NRXN3: variants seen among roughly 807,000 people sequenced by gnomAD.
The protein encoded by NRXN3 is neurexin III.
Under a neutral mutation model 137.6 loss-of-function variants are expected in NRXN3, and 32 were observed. The ratio of observed to expected loss-of-function variants is 0.23; its 90% CI spans 0.18 to 0.31. The LOEUF is 0.31. Among genes scored for constraint, NRXN3 ranks in the 10% least tolerant of loss-of-function variants. The pLI, the probability that NRXN3 is intolerant of heterozygous loss-of-function variation, is 1.00. For missense variants in NRXN3, 1,574 were observed against 2,062.5 expected (o/e 0.76, Z 4.59); for synonymous variants, 798 against 784.5 (o/e 1.02, Z -0.29).
chr14:79,087,201 G>A (rs1313081047), intron 15 of NRXN3, among the ~76,000 whole-genome samples: 6 of 152,120 alleles, frequency 3.9e-5, no homozygotes, highest in Admixed American at 3.9e-4. Flanking sequence ...TGGTTAGGAG[G>A]AGGGTACTAA....
chr14:79,487,128 C>T (rs1173167980), intron 16 of NRXN3, among the ~76,000 whole-genome samples: 3 of 152,132 alleles, frequency 2.0e-5, no homozygotes, highest in Non-Finnish European at 4.4e-5. Context: ...TCAGTTTCCT[C>T]ATCCGTTGAA....
chr14:78,678,861 A>C (rs998764336), intron 6 of NRXN3, among the ~76,000 whole-genome samples: 3 of 152,128 alleles, frequency 2.0e-5, no homozygotes, highest in Non-Finnish European at 4.4e-5. Flanking sequence ...TGCAGGTGTC[A>C]GCTTGGAGCT....
At chr14:79,090,541 C>T (rs1472314644) in intron 15 of NRXN3, among the ~76,000 whole-genome samples, 1 of 151,992 alleles carries the variant, frequency 6.6e-6, no homozygotes, top group African/African-American at 2.4e-5. Context: ...TGTTTTTCAC[C>T]TTGCCCTACA....
chr14:79,839,442 A>C (rs1603618569), intron 20 of NRXN3, among the ~76,000 whole-genome samples: 1 of 152,274 alleles, frequency 6.6e-6, no homozygotes, highest in East Asian at 1.9e-4. Context: ...TGTGAAAGAA[A>C]ATGACACAGG....
intron 15 of NRXN3, among the ~76,000 whole-genome samples, chr14:79,394,569 C>T (rs1450466966): frequency 6.6e-6 from 1 of 152,082 alleles, no homozygotes. Flanking sequence ...GGTTCTTAAC[C>T]TGGGATGCAT....
intron 19 of NRXN3, among the ~76,000 whole-genome samples, chr14:79,718,786 A>G (rs2098832325): frequency 6.6e-6 from 1 of 151,898 alleles, no homozygotes; most frequent in African/African-American, 2.4e-5. Flanking sequence ...GCTTCAGCAA[A>G]TTTTTCATTT....
chr14:79,349,745 G>C (rs2093110096), intron 15 of NRXN3, among the ~76,000 whole-genome samples: 1 of 152,142 alleles, frequency 6.6e-6, no homozygotes, highest in Non-Finnish European at 1.5e-5. Context: ...TTAACATCAA[G>C]TCATCAGTGT....
chr14:79,631,848 G>A (rs1396134324), intron 16 of NRXN3, among the ~76,000 whole-genome samples: 1 of 151,876 alleles, frequency 6.6e-6, no homozygotes, highest in Non-Finnish European at 1.5e-5. Flanking sequence ...GACCTTTTCT[G>A]TCTAGCTAAA....
At chr14:78,496,998 G>A (rs1445564374) in intron 4 of NRXN3, among the ~76,000 whole-genome samples, 1 of 152,034 alleles carries the variant, frequency 6.6e-6, no homozygotes, top group Non-Finnish European at 1.5e-5. Context: ...AATGTACCAA[G>A]AACAGTTTCT....
At chr14:79,785,835 C>A (rs1384302391) in intron 19 of NRXN3, among the ~76,000 whole-genome samples, 3 of 151,918 alleles carry the variant, frequency 2.0e-5, no homozygotes, top group Non-Finnish European at 2.9e-5. Context: ...AAATTTATTC[C>A]CCGACAAATT....
intron 10 of NRXN3, among the ~76,000 whole-genome samples, chr14:78,946,967 G>T (rs1337745882): frequency 6.6e-6 from 1 of 152,134 alleles, no homozygotes; most frequent in Non-Finnish European, 1.5e-5. Flanking sequence ...GGACTATAAG[G>T]ATATGATATT....
intron 19 of NRXN3, among the ~76,000 whole-genome samples, chr14:79,703,263 A>C (rs1464895408): frequency 6.6e-6 from 1 of 152,148 alleles, no homozygotes; most frequent in Non-Finnish European, 1.5e-5. Context: ...TAGGCAAAGT[A>C]CTCTTAGCTT....
At chr14:78,523,662 A>G (rs2096322950) in intron 4 of NRXN3, among the ~76,000 whole-genome samples, 1 of 148,720 alleles carries the variant, frequency 6.7e-6, no homozygotes, top group Non-Finnish European at 1.5e-5. Flanking sequence ...AAAAAAAAAA[A>G]AAAAATTAGC....
intron 15 of NRXN3, among the ~76,000 whole-genome samples, chr14:79,178,882 T>C (rs2062629823): frequency 6.6e-6 from 1 of 152,204 alleles, no homozygotes; most frequent in Non-Finnish European, 1.5e-5. Context: ...AAATCATTAA[T>C]CTCTGCCCAG....
At chr14:78,882,857 C>T (rs1399910979) in intron 10 of NRXN3, among the ~76,000 whole-genome samples, 1 of 151,540 alleles carries the variant, frequency 6.6e-6, no homozygotes, top group Non-Finnish European at 1.5e-5. Flanking sequence ...GCTATGTTTG[C>T]ACCTAAATCT....
intron 19 of NRXN3, among the ~76,000 whole-genome samples, chr14:79,722,115 G>A (rs140303542): frequency 2.6e-5 from 4 of 152,190 alleles, no homozygotes; most frequent in African/African-American, 9.6e-5. Context: ...TAGGATTGAT[G>A]TGAAGTTTAC....
At chr14:78,361,401 A>G (rs940065278) in intron 4 of NRXN3, among the ~76,000 whole-genome samples, 1 of 152,250 alleles carries the variant, frequency 6.6e-6, no homozygotes, top group Admixed American at 6.5e-5. Context: ...TCTGTTGACC[A>G]GTACAACTTG....
At chr14:78,666,717 C>T (rs773652421) in intron 6 of NRXN3, among the ~76,000 whole-genome samples, 5 of 152,200 alleles carry the variant, frequency 3.3e-5, no homozygotes, top group African/African-American at 1.2e-4. Context: ...CCCTCTGCCC[C>T]CATAGTACTT....
chr14:79,365,425 G>A (rs1444106654), intron 15 of NRXN3, among the ~76,000 whole-genome samples: 1 of 152,160 alleles, frequency 6.6e-6, no homozygotes, highest in Non-Finnish European at 1.5e-5. Flanking sequence ...TCTCACCACA[G>A]AAGAGTTTTA....
Sources: allele counts gnomAD v4.1 joint callset (sites outside exome capture counted in the v4.1 genomes callset), GRCh38; gene constraint gnomAD v4.1.1; transcripts MANE v1.5; gene names NCBI Gene and HGNC (gene_info 2026-07-23, HGNC 2026-07-21).